Variants in PPEF1 observed in about 807,000 individuals in gnomAD.
PPEF1 encodes protein phosphatase with EF-hand domain 1, also known as serine/threonine-protein phosphatase with EF-hands 1.
Under a neutral mutation model 53.3 loss-of-function variants are expected in PPEF1, and 12 were observed. That is an observed-to-expected ratio of 0.23 (90% CI 0.14 to 0.36). The LOEUF is 0.36. PPEF1 is among the 10% of genes least tolerant of loss of function. The probability of loss-of-function intolerance (pLI) is 1.00; values close to 1 mark genes in which losing one functional copy is unlikely to be tolerated. For missense variants in PPEF1, 334 were observed against 490.4 expected (o/e 0.68, Z 3.01); for synonymous variants, 165 against 176.7 (o/e 0.93, Z 0.52).
chrX:18,802,040 C>T (rs988433108), intron 10 of PPEF1, among the ~76,000 whole-genome samples: 1 of 108,671 alleles, frequency 9.2e-6, no homozygotes, highest in Non-Finnish European at 1.9e-5. Flanking sequence ...GCCACAAAGA[C>T]GGAGCCTCCA....
chrX:18,788,660 T>C (rs2046267988), intron 9 of PPEF1, among the ~76,000 whole-genome samples: 1 of 111,637 alleles, frequency 9.0e-6, no homozygotes, highest in Non-Finnish European at 1.9e-5. Flanking sequence ...CTTTAAGAAC[T>C]TTCTTGGACA....
intron 13 of PPEF1, among the ~76,000 whole-genome samples, chrX:18,823,195 C>T (rs775582740): frequency 2.7e-5 from 3 of 111,259 alleles, no homozygotes; most frequent in Admixed American, 9.6e-5. Context: ...ATAGAAACAG[C>T]CTATATGTAA....
chrX:18,686,585 C>T (rs1024636181), intron 3 of PPEF1, among the ~76,000 whole-genome samples: 3 of 110,783 alleles, frequency 2.7e-5, no homozygotes, highest in African/African-American at 9.9e-5. Context: ...CCAGGGCCCG[C>T]GCTTAGAGTT....
intron 12 of PPEF1, among the ~76,000 whole-genome samples, chrX:18,807,784 C>T (rs761885483): frequency 7.3e-5 from 8 of 110,232 alleles, no homozygotes; most frequent in African/African-American, 1.3e-4. Flanking sequence ...CTCAGCCTCC[C>T]GAGTAGCTGG....
chrX:18,806,405 G>A lies in PPEF1; in HGVS notation c.1254G>A (p.Val418=). 8.3e-7 allele frequency: 1 copy of A among 1,204,193 alleles called. No homozygotes were observed. Among genetic ancestry groups the A allele is most frequent in the Non-Finnish European group, 1.1e-6 (1 of 890,967 alleles). Residue 418 remains valine, a splice_region_variant and synonymous_variant, in exon 12 of 16, where the codon GTG becomes GTA. Coordinates refer to ENST00000470157, the MANE Select transcript of PPEF1 (RefSeq NM_001377996.1). ...TGACCCTCTTTTTCTTTAACCAGGTGGTGACTATATTTTCTGCTTCTAATT... is the reference window on the plus strand; with the variant it reads ...TGACCCTCTTTTTCTTTAACCAGGTAGTGACTATATTTTCTGCTTCTAATT... ...EGYEICHDGK[V]VTIFSASNYY...
At chrX:18,754,189 C>G (rs894056772) in intron 4 of PPEF1, among the ~76,000 whole-genome samples, 1 of 111,848 alleles carries the variant, frequency 8.9e-6, no homozygotes, top group Non-Finnish European at 1.9e-5. Flanking sequence ...AACCATTGTT[C>G]AGTTTCCTTT....
chrX:18,822,653 C>T (rs899513876), intron 13 of PPEF1, among the ~76,000 whole-genome samples: 3 of 110,380 alleles, frequency 2.7e-5, no homozygotes, highest in African/African-American at 9.9e-5. Flanking sequence ...GGACTACAGG[C>T]GCCCGCCACC....
In PPEF1 at chrX:18,817,348, A is replaced by T. The variant is rs755189468; in HGVS notation, c.1395-691A>T. ...CATACATAGTTTGATATATTTATGA[A>T]TTTTTTTTTTTGAGACAGAGTCTGG... On this transcript the variant is annotated intron_variant, in intron 12 of 15. Transcript: ENST00000470157. Among the ~76,000 whole-genome samples the T allele has an allele frequency of 1.8e-4, 19 of 106,091 alleles. No homozygotes were observed. In the East Asian group the frequency reaches 5.3e-3, roughly 30 times the overall value. 92.1% of individuals were successfully genotyped at this position (106,091 alleles called of 115,157 possible).
At chrX:18,730,727 T>C (rs182886199) in intron 2 of PPEF1, among the ~76,000 whole-genome samples, 2,218 of 108,807 alleles carry the variant, frequency 0.02, 55 homozygotes, top group African/African-American at 0.07. Context: ...TTTTTTTTTT[T>C]CTTCGAGACG....
At chrX:18,733,532 G>C (rs929124710) in intron 2 of PPEF1, among the ~76,000 whole-genome samples, 2 of 111,755 alleles carry the variant, frequency 1.8e-5, no homozygotes, top group African/African-American at 6.5e-5. Flanking sequence ...TTGTCTCTGG[G>C]CAGCCCCACA....
At chrX:18,680,185 C>T, upstream of PPEF1, among the ~76,000 whole-genome samples, 1 of 110,147 alleles carries the variant, frequency 9.1e-6, no homozygotes, top group Middle Eastern at 4.6e-3. Flanking sequence ...TACACTAGGC[C>T]TCTCCTGCCT....
chrX:18,748,954 A>G (rs138732958), intron 3 of PPEF1, among the ~76,000 whole-genome samples: 1,817 of 112,211 alleles, frequency 0.016, 34 homozygotes, highest in African/African-American at 0.055. Context: ...AGTAGCTGCA[A>G]AAGTACATTA....
chrX:18,794,270 A>G (rs2046383157), intron 10 of PPEF1, among the ~76,000 whole-genome samples: 1 of 110,468 alleles, frequency 9.1e-6, no homozygotes, highest in African/African-American at 3.3e-5. Context: ...TACTGTTACT[A>G]CTAGTATCTC....
At chrX:18,709,495 G>GTT (rs1157516847) in intron 1 of PPEF1, among the ~76,000 whole-genome samples, 3 of 65,560 alleles carry the variant, frequency 4.6e-5, no homozygotes, top group East Asian at 1.3e-3. Flanking sequence ...TTTCAGCTTT[G>GTT]TTTTTTGTTT....
chrX:18,690,804 C>G (rs1045036407), intron 3 of PPEF1: 1 of 112,632 alleles, frequency 8.9e-6, no homozygotes, highest in Non-Finnish European at 1.9e-5. Flanking sequence ...TTTCAATAAG[C>G]AAGAAATAGT....
At chrX:18,699,695 T>C (rs1285331662) in intron 5 of PPEF1, among the ~76,000 whole-genome samples, 1 of 110,922 alleles carries the variant, frequency 9.0e-6, no homozygotes, top group Non-Finnish European at 1.9e-5. Context: ...TGAAGGGAGG[T>C]CATTCTCCCT....
chrX:18,781,641 CAG>C (rs1485257237), intron 7 of PPEF1, among the ~76,000 whole-genome samples: 1 of 111,698 alleles, frequency 9.0e-6, no homozygotes, highest in African/African-American at 3.3e-5. Flanking sequence ...TCTCAGAAAA[CAG>C]AACGTTACAC....
chrX:18,754,521 T>C (rs2045507136), intron 4 of PPEF1, among the ~76,000 whole-genome samples: 1 of 111,608 alleles, frequency 9.0e-6, no homozygotes, highest in African/African-American at 3.3e-5. Flanking sequence ...TAGCTAAGGC[T>C]CCTAACCACC....
intron 2 of PPEF1, among the ~76,000 whole-genome samples, chrX:18,731,610 T>C (rs2044839637): frequency 8.9e-6 from 1 of 112,108 alleles, no homozygotes; most frequent in Admixed American, 9.5e-5. Context: ...TTTATTGAGA[T>C]GTAATTCACA....
Sources: allele counts gnomAD v4.1 joint callset (sites outside exome capture counted in the v4.1 genomes callset), GRCh38; gene constraint gnomAD v4.1.1; transcripts MANE v1.5; gene names NCBI Gene and HGNC (gene_info 2026-07-23, HGNC 2026-07-21).